The following TSNAXIP1 variants were observed in gnomAD, a reference collection of about 807,000 sequenced individuals.
The protein encoded by TSNAXIP1 is translin-associated factor X-interacting protein 1.
TSNAXIP1 carries 89 observed loss-of-function variants against 84.8 expected under a neutral mutation model. The ratio of observed to expected loss-of-function variants is 1.05; its 90% CI spans 0.88 to 1.25. The LOEUF is 1.25. TSNAXIP1 is among the 50% of genes most tolerant of loss of function. The pLI, the probability that TSNAXIP1 is intolerant of heterozygous loss-of-function variation, is 0.00. For missense variants in TSNAXIP1, 874 were observed against 887.6 expected (o/e 0.98, Z 0.20); for synonymous variants, 347 against 335.2 (o/e 1.04, Z -0.39).
chr16:67,823,744 G>T, intron 5 of TSNAXIP1, 25 bp downstream of exon 5: 1 of 1,594,052 alleles, frequency 6.3e-7, no homozygotes, highest in Middle Eastern at 1.7e-4. Context: ...CCTGCCAGGC[G>T]TAGTGGCTCA....
At chr16:67,808,973 G>A (rs973226106) in intron 1 of TSNAXIP1, among the ~76,000 whole-genome samples, 1 of 145,610 alleles carries the variant, frequency 6.9e-6, no homozygotes, top group African/African-American at 2.5e-5. Context: ...GATCACTTGA[G>A]GTAAGGAATT....
At chr16:67,820,364 T>A (rs2056944221) in intron 2 of TSNAXIP1, among the ~76,000 whole-genome samples, 1 of 152,184 alleles carries the variant, frequency 6.6e-6, no homozygotes. Flanking sequence ...ACATAGCTAA[T>A]AAGGGACATT....
chr16:67,827,373 G>A lies in TSNAXIP1; in HGVS notation c.1789G>A (p.Glu597Lys), dbSNP rs2057540320. The change falls in exon 14 of 16, where the codon GAG (glutamate) becomes AAG (lysine). Residue 597 changes from glutamate (E) to lysine (K), a missense_variant and splice_region_variant. Transcript: ENST00000561639. ...DLLNYRSLFM[E>K]DEEGQSEPFV... ...GCTCAACTACCGCTCACTGTTTATG[G>A]AGGTGGGTGTGTGGGGTCCGGGGAC... 2 of 1,614,218 alleles carry A rather than the reference G, an allele frequency of 1.2e-6. No individual in the cohort carries two copies. Among genetic ancestry groups the A allele is most frequent in the Non-Finnish European group, 1.7e-6 (2 of 1,180,036 alleles).
At position 67,806,950 on chromosome 16, in the gene TSNAXIP1, C is replaced by T. The variant is rs750560639; in HGVS notation, c.-200C>T. ...CGGCTGTAGTGGTTGACTCTCAGGG[C>T]ACCCGCTGCCGGGTCCCAGTCCACC... On this transcript the variant is annotated 5_prime_UTR_variant, in exon 1 of 16. Coordinates refer to ENST00000561639, the MANE Select transcript of TSNAXIP1 (RefSeq NM_001288990.3). The T allele has an allele frequency of 1.5e-4, 123 of 794,422 alleles. No individual in the cohort carries two copies. The highest frequency in any genetic ancestry group is 2.1e-4 in the Non-Finnish European group (107 of 515,676). The allele number at this position is 794,422 out of a possible 1,614,324, so 49.2% of individuals were successfully genotyped here. A position where few individuals can be genotyped will look rare whatever the true frequency, so the allele number is the denominator to read the frequency against.
Position 67,821,244 on chromosome 16 carries a change from A to G in TSNAXIP1, c.387+19A>G. On this transcript the variant is annotated intron_variant, in intron 4 of 15. Transcript: ENST00000561639. ...GCTGCAGGTCAGAGCCACAGAAGAA[A>G]CTTGGGGAGGGCGGGGGAAGGGTGG... 5 of 1,417,752 alleles carry G rather than the reference A, an allele frequency of 3.5e-6. No homozygotes were observed. The highest frequency in any genetic ancestry group is 4.8e-6 in the Non-Finnish European group (5 of 1,045,528). The allele number at this position is 1,417,752 out of a possible 1,614,324, so 87.8% of individuals were successfully genotyped here.
In TSNAXIP1 at chr16:67,826,257, G is replaced by A. The variant is rs148163199; in HGVS notation, c.1250G>A (p.Arg417Gln). 92 of 1,582,276 alleles carry A rather than the reference G, an allele frequency of 5.8e-5. No individual in the cohort carries two copies. The highest frequency in any genetic ancestry group is 2.6e-4 in the African/African-American group (19 of 74,160). Reference sequence around the variant, plus strand: ...GAAGAGATTGGTTCGGGGCTGCTGCGGGAGAAAGACTTCTTCCCTGGTCTG... The same window carrying A: ...GAAGAGATTGGTTCGGGGCTGCTGCAGGAGAAAGACTTCTTCCCTGGTCTG... ...LLEEIGSGLL[R>Q]EKDFFPGLGY... Residue 417 changes from arginine to glutamine, a missense_variant, in exon 10 of 16, where the codon CGG (arginine) becomes CAG (glutamine). By Grantham distance (43) the Arg-to-Gln change is conservative. Transcript: ENST00000561639.
rs749451147 is a variant in TSNAXIP1, at chr16:67,824,692, T to C, written c.591T>C (p.Tyr197=). The C allele has an allele frequency of 3.7e-6, 6 of 1,614,164 alleles. No homozygotes were observed. The East Asian group carries it at 8.9e-5, about 24-fold the overall frequency. Residue 197 remains tyrosine (Y), a synonymous_variant, in exon 6 of 16, where the codon TAT becomes TAC. Transcript: ENST00000561639. ...RILAMRAEEK[Y]EISLLKKEKM... ...TGGCCATGAGAGCTGAGGAGAAATA[T>C]GAAATCTCCCTGCTCAAGAAAGAGA... is the stretch of plus-strand genomic sequence containing the variant.
chr16:67,807,480 T>G (rs2055555545), intron 1 of TSNAXIP1: 1 of 1,150,744 alleles, frequency 8.7e-7, no homozygotes, highest in Admixed American at 2.8e-5. Context: ...ATATTTTATT[T>G]TTGAGACAAG....
Position 67,807,000 on chromosome 16 carries a change from C to T in TSNAXIP1, c.-150C>T, listed in dbSNP as rs1005631591. The T allele has an allele frequency of 3.8e-6, 5 of 1,309,278 alleles. No individual in the cohort carries two copies. The African/African-American group carries it at 7.5e-5, about 20-fold the overall frequency. 81.1% of individuals were successfully genotyped at this position (1,309,278 alleles called of 1,614,324 possible). On this transcript the variant is annotated 5_prime_UTR_variant, in exon 1 of 16. Transcript: ENST00000561639. ...CTTTGCTACTTTGTCCTACTCCCAG[C>T]CCGCGGGCGCTAGGCTCGGGGGCGT...
At position 67,827,550 on chromosome 16, in the gene TSNAXIP1, G is replaced by A. The variant is rs1407224719; in HGVS notation, c.1869G>A (p.Gln623=). Residue 623 remains glutamine, a synonymous_variant, in exon 15 of 16, where the codon CAG becomes CAA. Transcript: ENST00000561639. ...TGGATGAGAAGGACGAGTACTTACA[G>A]CAGCTAAAGCAGGAGCTTGGCATAG... ...QYMDEKDEYL[Q]QLKQELGIEL... 1 of 1,613,736 alleles carries A rather than the reference G, an allele frequency of 6.2e-7. No homozygotes were observed. Among genetic ancestry groups the A allele is most frequent in the Admixed American group, 1.7e-5 (1 of 60,012 alleles).
At position 67,818,755 on chromosome 16, in the gene TSNAXIP1, G is replaced by C. The variant is rs554740410; in HGVS notation, c.148-2084G>C. 2.0e-5 allele frequency among the ~76,000 whole-genome samples: 3 copies of C among 150,130 alleles called. No individual in the cohort carries two copies. In the Admixed American group the frequency reaches 2.0e-4, roughly 10 times the overall value. Reference sequence around the variant, plus strand: ...GTCTCTCTCTGTCGCCCAGACTGGAGTACAGTCGTGCCATGTCTGCTCACT... The same window carrying C: ...GTCTCTCTCTGTCGCCCAGACTGGACTACAGTCGTGCCATGTCTGCTCACT... On this transcript the variant is annotated intron_variant, in intron 2 of 15. Transcript: ENST00000561639.
chr16:67,825,787 G>C lies in TSNAXIP1; in HGVS notation c.935G>C (p.Arg312Thr). 2 of 1,614,176 alleles carry C rather than the reference G, an allele frequency of 1.2e-6. No homozygotes were observed. The highest frequency in any genetic ancestry group is 2.7e-5 in the African/African-American group (2 of 75,048). The change falls in exon 8 of 16, where the codon AGG (arginine) becomes ACG (threonine). Residue 312 changes from arginine to threonine, a missense_variant. Transcript: ENST00000561639. ...MKANFGDVVP[R>T]RDFEMQEKTN... ...GCCAACTTTGGAGATGTGGTCCCCA[G>C]GAGGGACTTTGAAATGCAGGAGAAG...
At position 67,827,924 on chromosome 16, in the gene TSNAXIP1, T is replaced by C. The variant is rs1424276957; in HGVS notation, c.2070T>C (p.Thr690=). ...AAGCCGTGGTGGAAATCCTCCAGACTGCCCTGGAGCGGCTTCAGGTGATTG... is the reference window on the plus strand; with the variant it reads ...AAGCCGTGGTGGAAATCCTCCAGACCGCCCTGGAGCGGCTTCAGGTGATTG... ...KEEAVVEILQ[T]ALERLQVIDI... Residue 690 remains threonine, a synonymous_variant, in exon 16 of 16, where the codon ACT becomes ACC. Coordinates refer to ENST00000561639, the MANE Select transcript of TSNAXIP1 (RefSeq NM_001288990.3). 1 of 1,613,914 alleles carries C rather than the reference T, an allele frequency of 6.2e-7. No individual in the cohort carries two copies. The highest frequency in any genetic ancestry group is 1.7e-5 in the Admixed American group (1 of 60,014).
At chr16:67,811,261 T>A (rs2056053918) in intron 1 of TSNAXIP1, among the ~76,000 whole-genome samples, 1 of 152,070 alleles carries the variant, frequency 6.6e-6, no homozygotes, top group South Asian at 2.1e-4. Flanking sequence ...TTGTTTTAAG[T>A]CTGTTTTATA....
chr16:67,811,614 G>A (rs1006496011), intron 1 of TSNAXIP1, among the ~76,000 whole-genome samples: 2 of 151,522 alleles, frequency 1.3e-5, no homozygotes, highest in African/African-American at 4.8e-5. Context: ...GCTAATTTTT[G>A]TATTTTTTTA....
In TSNAXIP1 at chr16:67,827,741, C is replaced by G; in HGVS notation, c.1899-12C>G. On this transcript the variant is annotated splice_polypyrimidine_tract_variant and intron_variant, in intron 15 of 15. Transcript: ENST00000561639. The stretch of plus-strand genomic sequence containing the variant: ...GGGGTCAGGGCCTGTCACTCTCTTT[C>G]CTGTGGGGCAGCCATGAGGAAGTGA... The G allele has an allele frequency of 6.2e-7, 1 of 1,613,770 alleles. No individual in the cohort carries two copies. Among genetic ancestry groups the G allele is most frequent in the Non-Finnish European group, 8.5e-7 (1 of 1,179,990 alleles).
chr16:67,827,707 C>T (rs199588098), intron 15 of TSNAXIP1, 46 bp from the exon 16 acceptor site: 711 of 1,611,626 alleles, frequency 4.4e-4, no homozygotes, highest in Non-Finnish European at 5.2e-4. Context: ...GTCTGGGGCA[C>T]GGAGAGGAGG....
In TSNAXIP1 at chr16:67,825,680, G is replaced by A. The variant is rs770318082; in HGVS notation, c.828G>A (p.Glu276=). ...TTCCCCTGGCAGGCATCTGGGGGGA[G>A]GACCCTGTGAAGTTAACCCTGGCTC... ...SLAQSPGIWG[E]DPVKLTLALK... The change falls in exon 8 of 16, where the codon GAG becomes GAA. Residue 276 remains glutamate, a synonymous_variant. Transcript: ENST00000561639. The A allele has an allele frequency of 4.3e-6, 7 of 1,612,248 alleles. No homozygotes were observed. Among genetic ancestry groups the A allele is most frequent in the East Asian group, 2.2e-5 (1 of 44,856 alleles).
At chr16:67,816,680 C>T (rs929852572) in intron 2 of TSNAXIP1, among the ~76,000 whole-genome samples, 2 of 152,106 alleles carry the variant, frequency 1.3e-5, no homozygotes, top group South Asian at 2.1e-4. Context: ...TTCTTTTGCG[C>T]GGCATCAACC....
Sources: gnomAD v4.1 joint callset for allele counts (sites outside exome capture counted in the v4.1 genomes callset) on GRCh38, gnomAD v4.1.1 for gene constraint, MANE v1.5 for transcripts, NCBI Gene and HGNC (gene_info 2026-07-23, HGNC 2026-07-21) for gene names.